ROBO2: variants seen among roughly 807,000 people sequenced by gnomAD.
ROBO2 encodes the protein roundabout homolog 2.
Under a neutral mutation model 160.8 loss-of-function variants are expected in ROBO2, and 53 were observed. The ratio of observed to expected loss-of-function variants is 0.33; its 90% confidence interval spans 0.26 to 0.41. The LOEUF (loss-of-function observed/expected upper bound fraction) is 0.41, where lower values mean the gene tolerates loss of function less well. Among genes scored for constraint, ROBO2 ranks in the 10% least tolerant of loss-of-function variants. The pLI, the probability that ROBO2 is intolerant of heterozygous loss-of-function variation, is 1.00. For missense variants in ROBO2, 1,577 were observed against 1,722.4 expected (o/e 0.92, Z 1.49); for synonymous variants, 664 against 611.7 (o/e 1.09, Z -1.26).
At chr3:76,861,270 T>G (rs1226240343) in intron 2 of ROBO2, among the ~76,000 whole-genome samples, 1 of 152,206 alleles carries the variant, frequency 6.6e-6, no homozygotes, top group African/African-American at 2.4e-5. Context: ...TCCTTTGAAA[T>G]GAAAATAATA....
At chr3:77,237,240 C>A (rs1338763241) in intron 2 of ROBO2, among the ~76,000 whole-genome samples, 1 of 127,740 alleles carries the variant, frequency 7.8e-6, no homozygotes, top group Non-Finnish European at 1.6e-5. Context: ...CTTGCTCTGT[C>A]TTCCAGGGTG....
chr3:76,316,283 C>T lies in ROBO2; in HGVS notation c.109+378681C>T, dbSNP rs570134963. Among the ~76,000 whole-genome samples, 100 of 152,228 alleles carry T rather than the reference C, an allele frequency of 6.6e-4. 1 individual carries two copies. The highest frequency in any genetic ancestry group is 3.9e-4 in the East Asian group (2 of 5,170). ...GGCGTATCTCAGTCCTTATCTCAAC[C>T]GCATAAGACAGACACTGCAAGAGCG... On this transcript the variant is annotated intron_variant, in intron 2 of 26. Transcript: ENST00000487694.
chr3:76,243,988 C>G (rs1013340375), intron 2 of ROBO2, among the ~76,000 whole-genome samples: 1 of 151,804 alleles, frequency 6.6e-6, no homozygotes, highest in African/African-American at 2.4e-5. Context: ...AAATTTGATT[C>G]TATTGTCAGA....
rs1560252550 is a variant in ROBO2 at position 76,622,257 on chromosome 3, A to AGAAAGAAGGAAG, written c.110-475750_110-475749insGGAAGGAAAGAA. On this transcript the variant is annotated intron_variant, in intron 2 of 26. Coordinates refer to the ROBO2 transcript ENST00000487694. ...AAGGAAGAAAGAAAGAAAGAAAGAA[A>AGAAAGAAGGAAG]GAAAGAAAGAAAGAAAGAAAGAAAG... Among the ~76,000 whole-genome samples, 2 of 62,136 alleles carry AGAAAGAAGGAAG rather than the reference A, an allele frequency of 3.2e-5. 1 individual carries two copies. The highest frequency in any genetic ancestry group is 6.6e-5 in the Non-Finnish European group (2 of 30,496). The allele number at this position is 62,136 out of a possible 152,430, so 40.8% of individuals were successfully genotyped here.
At chr3:76,271,984 A>G (rs1476005418) in intron 2 of ROBO2, among the ~76,000 whole-genome samples, 1 of 152,158 alleles carries the variant, frequency 6.6e-6, no homozygotes, top group Non-Finnish European at 1.5e-5. Flanking sequence ...TCTGATATGT[A>G]TCATTTAAAA....
intron 2 of ROBO2, among the ~76,000 whole-genome samples, chr3:76,948,887 TATATATATATATATATATATA>T (rs2078748430): frequency 8.6e-5 from 2 of 23,320 alleles, no homozygotes; most frequent in South Asian, 1.6e-3. Context: ...TATATATATA[TATATATATATATATATATATA>T]TTTTTTTTTT....
At chr3:76,267,204 C>G (rs937957430) in intron 2 of ROBO2, among the ~76,000 whole-genome samples, 2 of 152,152 alleles carry the variant, frequency 1.3e-5, no homozygotes, top group Non-Finnish European at 2.9e-5. Context: ...ATTAGTCAAA[C>G]CATCTCTTTG....
chr3:77,408,202 G>A (rs1420987781), intron 2 of ROBO2, among the ~76,000 whole-genome samples: 2 of 152,070 alleles, frequency 1.3e-5, no homozygotes, highest in Non-Finnish European at 1.5e-5. Flanking sequence ...GATCTGGTAA[G>A]TAGTGACTGA....
At chr3:76,319,498 G>C (rs895255481) in intron 2 of ROBO2, among the ~76,000 whole-genome samples, 2 of 151,816 alleles carry the variant, frequency 1.3e-5, no homozygotes, top group Admixed American at 6.6e-5. Flanking sequence ...CTTCAACTAA[G>C]TTAAATGATT....
chr3:77,096,575 A>G (rs910365681), intron 1 of ROBO2, among the ~76,000 whole-genome samples: 1 of 151,494 alleles, frequency 6.6e-6, no homozygotes, highest in African/African-American at 2.4e-5. Flanking sequence ...CAGCCTCCCG[A>G]GTAGCTGGGA....
At chr3:77,458,531 G>C (rs2081923613) in intron 2 of ROBO2, among the ~76,000 whole-genome samples, 1 of 151,766 alleles carries the variant, frequency 6.6e-6, no homozygotes, top group African/African-American at 2.4e-5. Context: ...TACAGAAGAA[G>C]AATGTAACAC....
intron 2 of ROBO2, among the ~76,000 whole-genome samples, chr3:76,147,697 A>G (rs59382675): frequency 0.022 from 3,276 of 152,108 alleles, 140 homozygotes; most frequent in African/African-American, 0.074. Context: ...CAGCCAAGAC[A>G]GGAAATGGGA....
chr3:76,671,654 C>A (rs1005850381), intron 2 of ROBO2, among the ~76,000 whole-genome samples: 1 of 151,944 alleles, frequency 6.6e-6, no homozygotes, highest in Non-Finnish European at 1.5e-5. Flanking sequence ...TGCTAACAGT[C>A]ATACAAGATT....
intron 2 of ROBO2, among the ~76,000 whole-genome samples, chr3:76,122,866 T>G (rs2070809372): frequency 6.6e-6 from 1 of 152,092 alleles, no homozygotes; most frequent in African/African-American, 2.4e-5. Flanking sequence ...AATTATTCTT[T>G]ACCTATAAAA....
intron 2 of ROBO2, among the ~76,000 whole-genome samples, chr3:76,863,455 A>AAAAAAGT (rs1553665913): frequency 2.7e-5 from 4 of 150,828 alleles, no homozygotes; most frequent in Non-Finnish European, 5.9e-5. Flanking sequence ...AAGAAAAAAG[A>AAAAAAGT]AAAGAAAAGA....
intron 2 of ROBO2, among the ~76,000 whole-genome samples, chr3:76,252,351 A>G (rs1310792667): frequency 2.0e-5 from 3 of 152,082 alleles, no homozygotes; most frequent in Admixed American, 6.6e-5. Context: ...ATGCTACTCA[A>G]TGTATTTGAC....
chr3:77,144,880 G>T (rs1232778967), intron 2 of ROBO2, among the ~76,000 whole-genome samples: 8 of 152,220 alleles, frequency 5.3e-5, no homozygotes, highest in Non-Finnish European at 7.4e-5. Context: ...TTTTATTAAT[G>T]CCTTGCCAAG....
intron 2 of ROBO2, among the ~76,000 whole-genome samples, chr3:76,721,939 T>C (rs1036810076): frequency 1.3e-5 from 2 of 152,024 alleles, no homozygotes; most frequent in Non-Finnish European, 2.9e-5. Context: ...GGGGGTAGAG[T>C]TGAGGTAGGA....
intron 21 of ROBO2, among the ~76,000 whole-genome samples, chr3:77,614,815 A>G (rs565343200): frequency 6.6e-6 from 1 of 152,298 alleles, no homozygotes; most frequent in Non-Finnish European, 1.5e-5. Flanking sequence ...GAAAATTTCA[A>G]ACTCCTTGTA....
Sources: allele counts gnomAD v4.1 joint callset (sites outside exome capture counted in the v4.1 genomes callset), GRCh38; gene constraint gnomAD v4.1.1; transcripts MANE v1.5; gene names NCBI Gene and HGNC (gene_info 2026-07-23, HGNC 2026-07-21).